The following OPA3 variants were observed in gnomAD, a reference collection of about 807,000 sequenced individuals.
The protein encoded by OPA3 is optic atrophy 3 protein.
Under a neutral mutation model 4.0 loss-of-function variants are expected in OPA3, and 6 were observed. The ratio of observed to expected loss-of-function variants is 1.51; its 90% confidence interval spans 0.83 to 2.99. The LOEUF is 2.99. Ranked by LOEUF, OPA3 falls within the 30% of genes most tolerant of loss-of-function variation. The pLI, the probability that OPA3 is intolerant of heterozygous loss-of-function variation, is 0.00. For missense variants in OPA3, 235 were observed against 256.2 expected, an observed-to-expected ratio of 0.92 and a Z score of 0.56; for synonymous variants, 105 against 117.1, an observed-to-expected ratio of 0.90 and a Z score of 0.67.
chr19:45,573,553 A>T (rs1969720173), intron 1 of OPA3, among the ~76,000 whole-genome samples: 1 of 152,148 alleles, frequency 6.6e-6, no homozygotes, highest in Non-Finnish European at 1.5e-5. Flanking sequence ...ATATCCACAT[A>T]ACAACCCAAT....
chr19:45,561,594 G>A (rs577312486), intron 1 of OPA3, among the ~76,000 whole-genome samples: 4 of 152,162 alleles, frequency 2.6e-5, no homozygotes, highest in Non-Finnish European at 5.9e-5. Flanking sequence ...AGGGAGGAGG[G>A]AGAGGTTATT....
At chr19:45,542,849 C>A (rs1969202514), downstream of OPA3, among the ~76,000 whole-genome samples, 1 of 150,466 alleles carries the variant, frequency 6.6e-6, no homozygotes, top group African/African-American at 2.4e-5. Context: ...AATTTTAGTA[C>A]TTTTAGTAGA....
At chr19:45,560,757 A>G (rs942021887) in intron 1 of OPA3, among the ~76,000 whole-genome samples, 5 of 152,152 alleles carry the variant, frequency 3.3e-5, no homozygotes, top group African/African-American at 1.2e-4. Context: ...TCCTATGCTC[A>G]GATCTCTCTC....
At chr19:45,563,228 T>C (rs1969531229) in intron 1 of OPA3, among the ~76,000 whole-genome samples, 3 of 152,122 alleles carry the variant, frequency 2.0e-5, no homozygotes, top group African/African-American at 7.2e-5. Flanking sequence ...GGCTCGATCT[T>C]GGCTCACTGC....
intron 1 of OPA3, among the ~76,000 whole-genome samples, chr19:45,571,467 T>A (rs1969665797): frequency 1.3e-5 from 2 of 152,152 alleles, no homozygotes; most frequent in African/African-American, 4.8e-5. Flanking sequence ...TAATTTTACA[T>A]ATGTGTACAC....
chr19:45,575,251 C>T (rs574151552), intron 1 of OPA3, among the ~76,000 whole-genome samples: 76 of 151,848 alleles, frequency 5.0e-4, no homozygotes, highest in African/African-American at 1.7e-3. Flanking sequence ...CACAGGTACC[C>T]GCTAAATTTT....
chr19:45,528,846 C>G, exon 2 of OPA3: 1 of 563,154 alleles, frequency 1.8e-6, no homozygotes, highest in Non-Finnish European at 3.1e-6. Context: ...GTTCCACCTG[C>G]AGGAGGCGGA....
At position 45,584,610 on chromosome 19, in the gene OPA3, G is replaced by A. The variant is rs771575785; in HGVS notation, c.142+13C>T. On this transcript the variant is annotated intron_variant, in intron 1 of 1. Coordinates refer to ENST00000263275, the MANE Select transcript of OPA3 (RefSeq NM_025136.4). ...AAAGGAAAAAGGTTGGAGGGAATTC[G>A]GGTCAGACTCACGTTGAGCCGGCGG... 3 of 1,614,050 alleles carry A rather than the reference G, an allele frequency of 1.9e-6. No homozygotes were observed. Among genetic ancestry groups the A allele is most frequent in the African/African-American group, 1.3e-5 (1 of 74,930 alleles).
chr19:45,550,336 G>A lies in OPA3; in HGVS notation c.*3178C>T. Reference sequence around the variant, plus strand: ...CACTTTCACCTGCAGCTTCCCAAAAGCGGGCCCAGGTGGAATGGTCACCCA... The same window carrying A: ...CACTTTCACCTGCAGCTTCCCAAAAACGGGCCCAGGTGGAATGGTCACCCA... On this transcript the variant is annotated 3_prime_UTR_variant, in exon 2 of 2. Coordinates refer to ENST00000263275, the MANE Select transcript of OPA3 (RefSeq NM_025136.4). 2 of 985,466 alleles carry A rather than the reference G, an allele frequency of 2.0e-6. No homozygotes were observed. Among genetic ancestry groups the A allele is most frequent in the Non-Finnish European group, 2.4e-6 (2 of 830,012 alleles). 61.0% of individuals were successfully genotyped at this position (985,466 alleles called of 1,614,324 possible). A position where few individuals can be genotyped will look rare whatever the true frequency, so the allele number is the denominator to read the frequency against.
chr19:45,578,564 A>G (rs1969801631), intron 1 of OPA3, among the ~76,000 whole-genome samples: 1 of 152,172 alleles, frequency 6.6e-6, no homozygotes, highest in Non-Finnish European at 1.5e-5. Context: ...GTGGTGGCTC[A>G]TGCCTGTAAT....
chr19:45,573,422 G>A (rs1473428604), intron 1 of OPA3, among the ~76,000 whole-genome samples: 1 of 152,156 alleles, frequency 6.6e-6, no homozygotes, highest in Non-Finnish European at 1.5e-5. Flanking sequence ...CTGCACTCCG[G>A]CCTGGGCAAC....
chr19:45,558,951 T>C (rs1029476958), intron 1 of OPA3, among the ~76,000 whole-genome samples: 11 of 152,124 alleles, frequency 7.2e-5, no homozygotes, highest in Non-Finnish European at 1.2e-4. Context: ...TGGCTTGATC[T>C]TGGCTCACTG....
chr19:45,567,884 C>T (rs1023416002), intron 1 of OPA3, among the ~76,000 whole-genome samples: 3 of 152,124 alleles, frequency 2.0e-5, no homozygotes, highest in African/African-American at 7.2e-5. Context: ...TAAATAAAAG[C>T]TGTTATTATC....
chr19:45,540,732 G>A (rs1035725319), intron 1 of OPA3, among the ~76,000 whole-genome samples: 2 of 151,924 alleles, frequency 1.3e-5, no homozygotes, highest in Non-Finnish European at 2.9e-5. Flanking sequence ...GAACCTGGGA[G>A]GCGGAGAATG....
chr19:45,572,086 T>C (rs902363828), intron 1 of OPA3, among the ~76,000 whole-genome samples: 1 of 139,486 alleles, frequency 7.2e-6, no homozygotes, highest in African/African-American at 2.5e-5. Flanking sequence ...TGGCTGCTTT[T>C]TTCATGTGGT....
At chr19:45,539,152 C>G (rs772705848) in intron 1 of OPA3, among the ~76,000 whole-genome samples, 2 of 152,154 alleles carry the variant, frequency 1.3e-5, no homozygotes, top group Non-Finnish European at 2.9e-5. Flanking sequence ...TTCCCTCCCT[C>G]AACACATGAG....
At chr19:45,539,324 C>T (rs1465105726) in intron 1 of OPA3, among the ~76,000 whole-genome samples, 1 of 152,184 alleles carries the variant, frequency 6.6e-6, no homozygotes, top group Non-Finnish European at 1.5e-5. Flanking sequence ...AGGCCAGGTG[C>T]AGTGGCTTAC....
At chr19:45,573,275 C>T (rs8109972) in intron 1 of OPA3, among the ~76,000 whole-genome samples, 9,078 of 151,890 alleles carry the variant, frequency 0.06, 912 homozygotes, top group African/African-American at 0.21. Context: ...ATCTTATATT[C>T]ACACGTCTCA....
intron 1 of OPA3, among the ~76,000 whole-genome samples, chr19:45,580,943 C>T (rs1471017892): frequency 1.3e-5 from 2 of 152,132 alleles, no homozygotes; most frequent in East Asian, 3.9e-4. Context: ...AACCACAACG[C>T]TAAGAATGTC....
Sources: allele counts gnomAD v4.1 joint callset (sites outside exome capture counted in the v4.1 genomes callset), GRCh38; gene constraint gnomAD v4.1.1; transcripts MANE v1.5; gene names NCBI Gene and HGNC (gene_info 2026-07-23, HGNC 2026-07-21).